Variants in CCSER1 observed in about 807,000 individuals in gnomAD.
CCSER1 encodes the protein coiled-coil serine rich protein 1, also known as serine-rich coiled-coil domain-containing protein 1.
A neutral mutation model predicts 82.0 loss-of-function variants in CCSER1; 41 were observed. The observed-to-expected ratio is 0.50, with a 90% CI of 0.39 to 0.65. CCSER1 has a LOEUF of 0.65. CCSER1 is among the 30% of genes least tolerant of loss of function. The probability of loss-of-function intolerance (pLI) is 0.00; values close to 1 mark genes in which losing one functional copy is unlikely to be tolerated. For missense variants in CCSER1, 1,119 were observed against 1,064.2 expected (o/e 1.05, Z -0.72); for synonymous variants, 414 against 383.9 (o/e 1.08, Z -0.92).
chr4:90,356,908 G>T (rs1744461772), intron 3 of CCSER1, among the ~76,000 whole-genome samples: 1 of 151,834 alleles, frequency 6.6e-6, no homozygotes, highest in African/African-American at 2.4e-5. Context: ...GGGGATTTAA[G>T]AGGGAAATAA....
At chr4:90,989,149 C>T (rs747163794) in intron 9 of CCSER1, among the ~76,000 whole-genome samples, 7 of 151,740 alleles carry the variant, frequency 4.6e-5, no homozygotes, top group African/African-American at 7.3e-5. Context: ...ATTGAACCAC[C>T]TTTACAGCCA....
chr4:90,257,092 T>C (rs1033861044), intron 1 of CCSER1, among the ~76,000 whole-genome samples: 11 of 152,008 alleles, frequency 7.2e-5, no homozygotes, highest in Admixed American at 2.6e-4. Flanking sequence ...TTCACTGTTA[T>C]GGAAAATAGT....
intron 10 of CCSER1, among the ~76,000 whole-genome samples, chr4:91,421,092 G>A (rs931742298): frequency 6.6e-6 from 1 of 152,148 alleles, no homozygotes; most frequent in African/African-American, 2.4e-5. Flanking sequence ...GGTACAAACT[G>A]TCAATTATTA....
rs140725123 is a variant in CCSER1, at chr4:90,798,902, C to T, written c.2011-16860C>T. Among the ~76,000 whole-genome samples, 1,321 of 152,234 alleles carry T rather than the reference C, an allele frequency of 8.7e-3. 19 individuals are homozygous for T. Among genetic ancestry groups the T allele is most frequent in the African/African-American group, 0.03 (1,240 of 41,520 alleles). ...GTGGTGGCGGAAGGTGCTTTCAGAC[C>T]ACAGGTCACAACACTCTGATGGGTG... is the stretch of plus-strand genomic sequence containing the variant. On this transcript the variant is annotated intron_variant, in intron 7 of 10. Transcript: ENST00000509176.
chr4:90,569,295 G>A (rs1286714683), intron 5 of CCSER1, among the ~76,000 whole-genome samples: 2 of 152,106 alleles, frequency 1.3e-5, no homozygotes, highest in Non-Finnish European at 2.9e-5. Flanking sequence ...ACTGGTGCAA[G>A]AGAGAAGGGA....
chr4:91,418,787 A>G lies in CCSER1; in HGVS notation c.2218-179785A>G, dbSNP rs188170591. Among the ~76,000 whole-genome samples, 176 of 152,156 alleles carry G rather than the reference A, an allele frequency of 1.2e-3. 1 individual carries two copies. Among genetic ancestry groups the G allele is most frequent in the Middle Eastern group, 0.01 (3 of 294 alleles). On this transcript the variant is annotated intron_variant, in intron 10 of 10. Transcript: ENST00000509176. ...AAAAGCTTTGCCAGAGAAGGACATT[A>G]TAAGAAAAGAAAATTACAGGCCAAT...
Position 90,468,334 on chromosome 4 carries a change from A to G in CCSER1, c.1704A>G (p.Glu568=). 2.5e-6 allele frequency: 4 copies of G among 1,605,906 alleles called. No individual in the cohort carries two copies. Among genetic ancestry groups the G allele is most frequent in the Non-Finnish European group, 3.4e-6 (4 of 1,174,910 alleles). ...MIEMKKREEP[E]FPEPSKQNLS... ...AAATGAAGAAAAGAGAAGAACCAGAATTTCCTGAGCCTTCCAAACAGTGAG... is the reference window on the plus strand; with the variant it reads ...AAATGAAGAAAAGAGAAGAACCAGAGTTTCCTGAGCCTTCCAAACAGTGAG... The change falls in exon 5 of 11, where the codon GAA becomes GAG. Residue 568 remains glutamate (E), a synonymous_variant. Transcript: ENST00000509176.
intron 10 of CCSER1, among the ~76,000 whole-genome samples, chr4:91,446,935 CT>C (rs1560679408): frequency 6.6e-6 from 1 of 151,944 alleles, no homozygotes; most frequent in African/African-American, 2.4e-5. Context: ...TTAGTTAAAA[CT>C]GTGAATGGAG....
At chr4:90,367,996 C>A (rs1046509272) in intron 3 of CCSER1, among the ~76,000 whole-genome samples, 1 of 151,782 alleles carries the variant, frequency 6.6e-6, no homozygotes, top group Admixed American at 6.6e-5. Context: ...GTTTAACAGG[C>A]CTTTCCTGTT....
chr4:91,417,085 GCAAA>G (rs1385883786), intron 10 of CCSER1, among the ~76,000 whole-genome samples: 6 of 152,194 alleles, frequency 3.9e-5, no homozygotes, highest in South Asian at 2.1e-4. Context: ...CATTCATGCA[GCAAA>G]CAAACATATG....
At chr4:90,594,257 C>T (rs1260211109) in intron 5 of CCSER1, among the ~76,000 whole-genome samples, 1 of 152,068 alleles carries the variant, frequency 6.6e-6, no homozygotes, top group African/African-American at 2.4e-5. Flanking sequence ...GGCTCAGACT[C>T]CCATCTCCCC....
At chr4:90,627,078 C>G (rs1723428752) in intron 5 of CCSER1, among the ~76,000 whole-genome samples, 1 of 152,008 alleles carries the variant, frequency 6.6e-6, no homozygotes. Context: ...AAAATGTTAG[C>G]CATAATTTTT....
intron 6 of CCSER1, among the ~76,000 whole-genome samples, chr4:90,706,024 C>T (rs1739275202): frequency 6.6e-6 from 1 of 152,156 alleles, no homozygotes; most frequent in Non-Finnish European, 1.5e-5. Flanking sequence ...GAACCTGGTA[C>T]CTCAGTTGGA....
At chr4:90,768,347 A>G (rs965618134) in intron 7 of CCSER1, among the ~76,000 whole-genome samples, 1 of 152,214 alleles carries the variant, frequency 6.6e-6, no homozygotes, top group African/African-American at 2.4e-5. Context: ...ACATCATGAG[A>G]TACTGAGCTG....
chr4:90,645,385 C>T (rs371591617), intron 6 of CCSER1, among the ~76,000 whole-genome samples: 3 of 152,106 alleles, frequency 2.0e-5, no homozygotes, highest in East Asian at 1.9e-4. Flanking sequence ...TAATGATATT[C>T]GTAGCTTCTA....
chr4:91,511,804 A>G (rs571261077), intron 10 of CCSER1, among the ~76,000 whole-genome samples: 217 of 152,280 alleles, frequency 1.4e-3, no homozygotes, highest in African/African-American at 5.1e-3. Context: ...CTGATTCTAC[A>G]TTATGGTGAG....
intron 8 of CCSER1, among the ~76,000 whole-genome samples, chr4:90,915,488 T>A (rs574967588): frequency 1.3e-5 from 2 of 152,270 alleles, no homozygotes; most frequent in East Asian, 1.9e-4. Context: ...CAACTCTCAA[T>A]AAGTTAGGTA....
chr4:91,176,170 T>G (rs998700954), intron 10 of CCSER1, among the ~76,000 whole-genome samples: 1 of 145,202 alleles, frequency 6.9e-6, no homozygotes, highest in Non-Finnish European at 1.5e-5. Context: ...CTCTGTTCTG[T>G]TCCATTGGTC....
chr4:90,233,552 A>G (rs1745120025), intron 1 of CCSER1, among the ~76,000 whole-genome samples: 1 of 152,040 alleles, frequency 6.6e-6, no homozygotes, highest in Non-Finnish European at 1.5e-5. Context: ...GCAGCACACC[A>G]GCATGGCACA....
Sources: gnomAD v4.1 joint callset for allele counts (sites outside exome capture counted in the v4.1 genomes callset) on GRCh38, gnomAD v4.1.1 for gene constraint, MANE v1.5 for transcripts, NCBI Gene and HGNC (gene_info 2026-07-23, HGNC 2026-07-21) for gene names.